Variants in GRAMD1B observed in about 807,000 individuals in gnomAD.
The protein encoded by GRAMD1B is GRAM domain containing 1B, also known as protein Aster-B.
Under a neutral mutation model 99.7 loss-of-function variants are expected in GRAMD1B, and 37 were observed. The observed-to-expected ratio is 0.37, with a 90% CI of 0.29 to 0.49. GRAMD1B has a LOEUF of 0.49. Among genes scored for constraint, GRAMD1B ranks in the 20% least tolerant of loss-of-function variants. The pLI, the probability that GRAMD1B is intolerant of heterozygous loss-of-function variation, is 0.98. For synonymous variants in GRAMD1B, 427 were observed against 387.6 expected, an observed-to-expected ratio of 1.10 and a Z score of -1.19; for missense variants, 888 against 1,009.2, an observed-to-expected ratio of 0.88 and a Z score of 1.63.
At chr11:123,586,932 A>G (rs916243893) in intron 4 of GRAMD1B, among the ~76,000 whole-genome samples, 1 of 152,206 alleles carries the variant, frequency 6.6e-6, no homozygotes, top group Non-Finnish European at 1.5e-5. Flanking sequence ...AGGTAAAGGC[A>G]TTGTAACGCC....
At chr11:123,456,919 CAAAA>C (rs546768047) in intron 1 of GRAMD1B, among the ~76,000 whole-genome samples, 3 of 81,826 alleles carry the variant, frequency 3.7e-5, no homozygotes, top group Admixed American at 1.5e-4. Flanking sequence ...GACTCTGTCT[CAAAA>C]AAAAAAAAAA....
intron 1 of GRAMD1B, among the ~76,000 whole-genome samples, chr11:123,374,468 C>T (rs1591374473): frequency 6.6e-6 from 1 of 152,148 alleles, no homozygotes; most frequent in Non-Finnish European, 1.5e-5. Flanking sequence ...GATTTCTAAC[C>T]ACAGACTTAC....
chr11:123,444,277 G>C (rs1242343373), intron 1 of GRAMD1B, among the ~76,000 whole-genome samples: 1 of 152,136 alleles, frequency 6.6e-6, no homozygotes, highest in African/African-American at 2.4e-5. Flanking sequence ...TATTATGCTA[G>C]AGTCAGGTTG....
At chr11:123,442,578 T>A (rs1949458019) in intron 1 of GRAMD1B, among the ~76,000 whole-genome samples, 1 of 152,206 alleles carries the variant, frequency 6.6e-6, no homozygotes, top group Non-Finnish European at 1.5e-5. Context: ...AAGACCAGTC[T>A]GGCCAACATG....
chr11:123,555,105 A>G (rs964911624), intron 2 of GRAMD1B, among the ~76,000 whole-genome samples: 1 of 152,202 alleles, frequency 6.6e-6, no homozygotes, highest in African/African-American at 2.4e-5. Flanking sequence ...CTGACAAGAT[A>G]TAACATTGTG....
chr11:123,493,331 G>GTGCACA (rs1938826738), intron 2 of GRAMD1B, among the ~76,000 whole-genome samples: 1 of 152,218 alleles, frequency 6.6e-6, no homozygotes, highest in African/African-American at 2.4e-5. Context: ...GTGTCTGGAC[G>GTGCACA]TAGCACACAG....
chr11:123,469,009 A>G (rs191604729), intron 1 of GRAMD1B, among the ~76,000 whole-genome samples: 1 of 152,190 alleles, frequency 6.6e-6, no homozygotes, highest in Admixed American at 6.5e-5. Flanking sequence ...GAGGTTGGAC[A>G]TCAGCAGCGT....
At chr11:123,469,776 T>TTTCC (rs369545252) in intron 1 of GRAMD1B, among the ~76,000 whole-genome samples, 5,681 of 129,966 alleles carry the variant, frequency 0.044, 143 homozygotes, top group East Asian at 0.09. Flanking sequence ...TTTCTCTTTC[T>TTTCC]TTCCTTCCTT....
chr11:123,526,244 A>C, intron 2 of GRAMD1B: 1 of 1,286,188 alleles, frequency 7.8e-7, no homozygotes, highest in Non-Finnish European at 1.1e-6. Flanking sequence ...AGCACCCTCA[A>C]GAGGTCTCCT....
At chr11:123,560,339 TGTAAGGCG>T in intron 2 of GRAMD1B, 1 of 1,165,136 alleles carries the variant, frequency 8.6e-7, no homozygotes. Context: ...GAGGGACTTC[TGTAAGGCG>T]GCACGACCAC....
chr11:123,489,076 G>A (rs1938233832), intron 2 of GRAMD1B, among the ~76,000 whole-genome samples: 1 of 151,992 alleles, frequency 6.6e-6, no homozygotes, highest in Non-Finnish European at 1.5e-5. Context: ...GGGAGAGAAG[G>A]GCTTGTCAGC....
At chr11:123,564,816 GA>G (rs1188938688) in intron 2 of GRAMD1B, among the ~76,000 whole-genome samples, 1 of 152,150 alleles carries the variant, frequency 6.6e-6, no homozygotes, top group Non-Finnish European at 1.5e-5. Context: ...CTATTCAGTT[GA>G]ACTCCTTGCC....
At chr11:123,603,680 G>A in intron 9 of GRAMD1B, 139 bp downstream of exon 9, 1 of 666,540 alleles carries the variant, frequency 1.5e-6, no homozygotes, top group Non-Finnish European at 2.7e-6. Context: ...AGTGGTCACA[G>A]GTGAGGTCAG....
At chr11:123,530,378 G>C (rs1943229063) in intron 2 of GRAMD1B, among the ~76,000 whole-genome samples, 1 of 151,992 alleles carries the variant, frequency 6.6e-6, no homozygotes, top group African/African-American at 2.4e-5. Context: ...GATTTCTTTT[G>C]TCTTTTCTGT....
intron 1 of GRAMD1B, among the ~76,000 whole-genome samples, chr11:123,368,862 C>A (rs1015637130): frequency 2.6e-5 from 4 of 151,724 alleles, no homozygotes; most frequent in Admixed American, 6.6e-5. Flanking sequence ...GGGATAGGAG[C>A]AAGACAGAAA....
In GRAMD1B at chr11:123,612,818, C is replaced by A. The variant is rs201106747; in HGVS notation, c.1977C>A (p.Ile659=). 1.2e-6 allele frequency: 2 copies of A among 1,612,438 alleles called. No homozygotes were observed. The highest frequency in any genetic ancestry group is 1.1e-5 in the South Asian group (1 of 90,776). The change falls in exon 15 of 20, where the codon ATC becomes ATA. Residue 659 remains isoleucine, a synonymous_variant. Coordinates refer to ENST00000635736, the MANE Select transcript of GRAMD1B (RefSeq NM_001387025.1). The stretch of plus-strand genomic sequence containing the variant: ...CCTGGGGGTTAGTGAAAACGTTCAT[C>A]GAGAAGAACTTCTGGAGTGGGCTGG... ...KQPWGLVKTF[I]EKNFWSGLED... is the part of the protein sequence containing the mutation.
At chr11:123,438,802 C>T (rs965181807) in intron 1 of GRAMD1B, among the ~76,000 whole-genome samples, 1 of 152,184 alleles carries the variant, frequency 6.6e-6, no homozygotes, top group Non-Finnish European at 1.5e-5. Flanking sequence ...AATTGCTATG[C>T]TGGTCACTGA....
At chr11:123,470,777 G>C (rs533233673) in intron 1 of GRAMD1B, among the ~76,000 whole-genome samples, 42 of 152,220 alleles carry the variant, frequency 2.8e-4, no homozygotes, top group African/African-American at 1.0e-3. Context: ...ATAAAAGGAT[G>C]GGAATGTAGA....
intron 1 of GRAMD1B, among the ~76,000 whole-genome samples, chr11:123,410,976 G>C (rs568889021): frequency 6.6e-6 from 1 of 151,848 alleles, no homozygotes; most frequent in African/African-American, 2.4e-5. Context: ...ACATCTCACT[G>C]CCTCATGGTT....
Sources: allele counts gnomAD v4.1 joint callset (sites outside exome capture counted in the v4.1 genomes callset), GRCh38; gene constraint gnomAD v4.1.1; transcripts MANE v1.5; gene names NCBI Gene and HGNC (gene_info 2026-07-23, HGNC 2026-07-21).